SMN2: variants seen among roughly 807,000 people sequenced by gnomAD.
SMN2 encodes the protein survival motor neuron protein.
Under a neutral mutation model 2.8 loss-of-function variants are expected in SMN2, and 1 was observed. The observed-to-expected ratio is 0.35, with a 90% confidence interval of 0.13 to 1.68. The LOEUF is 1.68. SMN2 is among the 40% of genes most tolerant of loss of function. The pLI is 0.35. For synonymous variants in SMN2, 5 were observed against 5.0 expected (o/e 0.99, Z 0.01); for missense variants, 12 against 16.9 (o/e 0.71, Z 0.51).
chr5:70,083,614 A>G, the SMN2 span, among the ~76,000 whole-genome samples: 3,305 of 136,208 alleles, frequency 0.024, 819 homozygotes, highest in African/African-American at 0.092. Context: ...ATGGAATACT[A>G]TGCAACCATA....
chr5:70,070,208 AT>A (rs879531065), intron 6 of SMN2, among the ~76,000 whole-genome samples: 77 of 116,504 alleles, frequency 6.6e-4, no homozygotes, highest in Middle Eastern at 8.5e-3. Flanking sequence ...TTTATGCTTG[AT>A]TTTTTTTTTT....
intron 7 of SMN2, among the ~76,000 whole-genome samples, chr5:70,074,846 G>A (rs1347768059): frequency 8.4e-6 from 1 of 118,566 alleles, no homozygotes; most frequent in Non-Finnish European, 1.8e-5. Flanking sequence ...TACAAAACTA[G>A]CCGGGCATGG....
intron 1 of SMN2, among the ~76,000 whole-genome samples, chr5:70,052,881 CAAAA>C (rs1319873489): frequency 5.6e-5 from 4 of 71,176 alleles, no homozygotes; most frequent in Non-Finnish European, 1.2e-4. Flanking sequence ...GACTCTGCCT[CAAAA>C]AAAAAAAAAA....
intron 7 of SMN2, among the ~76,000 whole-genome samples, chr5:70,074,811 G>GGA (rs1774692931): frequency 1.6e-5 from 2 of 123,378 alleles, no homozygotes; most frequent in South Asian, 5.1e-4. Context: ...TGACCAACAT[G>GGA]GAGAAACCCT....
intron 1 of SMN2, among the ~76,000 whole-genome samples, chr5:70,052,309 G>A (rs1387137136): frequency 1.8e-4 from 13 of 73,014 alleles, no homozygotes; most frequent in African/African-American, 5.3e-4. Context: ...TTGGGAGGCC[G>A]AGTTGGGCAG....
chr5:70,084,658 T>C, the SMN2 span, among the ~76,000 whole-genome samples: 1 of 137,974 alleles, frequency 7.2e-6, no homozygotes, highest in African/African-American at 3.0e-5. Flanking sequence ...TATTTGTACA[T>C]TTTTATCTTA....
rs1218927739 is a variant in SMN2 at position 70,074,584 on chromosome 5, G to A, written c.835-1937G>A. 4.8e-5 allele frequency among the ~76,000 whole-genome samples: 6 copies of A among 125,976 alleles called. 3 individuals are homozygous for A. Among genetic ancestry groups the A allele is most frequent in the Non-Finnish European group, 1.0e-4 (6 of 57,532 alleles). The allele number at this position is 125,976 out of a possible 152,430, so 82.6% of individuals were successfully genotyped here. A position where few individuals can be genotyped will look rare whatever the true frequency, so the allele number is the denominator to read the frequency against. On this transcript the variant is annotated intron_variant, in intron 7 of 8. Transcript: ENST00000380743. Reference sequence around the variant, plus strand: ...CTTGAACCTGGGAGGTGGAGGTTGCGGTGAGCCGAGATCACCTCATTGCAC... The same window carrying A: ...CTTGAACCTGGGAGGTGGAGGTTGCAGTGAGCCGAGATCACCTCATTGCAC...
chr5:70,079,512 T>C (rs1395349010), downstream of SMN2, among the ~76,000 whole-genome samples: 1 of 146,116 alleles, frequency 6.8e-6, no homozygotes, highest in Non-Finnish European at 1.5e-5. Context: ...TCCCAGCATT[T>C]TGGGAGGACG....
At position 70,076,785 on chromosome 5, in the gene SMN2, G is replaced by A. The variant is rs1262249653; in HGVS notation, c.*3+211G>A. ...CTAGAATTCTCATACTTAACTGGTT[G>A]GTTGTGTGGAAGAAACATACTTTCA... On this transcript the variant is annotated intron_variant, in intron 8 of 8. Coordinates refer to ENST00000380743, the MANE Select transcript of SMN2 (RefSeq NM_017411.4). 4.5e-4 allele frequency: 599 copies of A among 1,335,768 alleles called. 120 individuals are homozygous for A. The highest frequency in any genetic ancestry group is 5.7e-4 in the Non-Finnish European group (580 of 1,016,944). 82.7% of individuals were successfully genotyped at this position (1,335,768 alleles called of 1,614,324 possible). A position where few individuals can be genotyped will look rare whatever the true frequency, so the allele number is the denominator to read the frequency against.
intron 7 of SMN2, among the ~76,000 whole-genome samples, chr5:70,075,871 G>T (rs1456556166): frequency 2.7e-5 from 3 of 110,820 alleles, no homozygotes; most frequent in Admixed American, 9.2e-5. Context: ...ATTTTTTTTT[G>T]AGACAGAGTC....
At chr5:70,080,884 G>GTCAA (rs1774846282), downstream of SMN2, among the ~76,000 whole-genome samples, 1 of 95,492 alleles carries the variant, frequency 1.0e-5, no homozygotes, top group Non-Finnish European at 2.0e-5. Flanking sequence ...TTAGATCCCA[G>GTCAA]TTTTGGCTTT....
the SMN2 span, among the ~76,000 whole-genome samples, chr5:70,084,272 C>T: frequency 1.3e-5 from 1 of 76,582 alleles, no homozygotes; most frequent in African/African-American, 7.3e-5. Flanking sequence ...CCGCAACCTC[C>T]GCCTCCCAGG....
At chr5:70,084,877 C>T in the SMN2 span, among the ~76,000 whole-genome samples, 1 of 136,660 alleles carries the variant, frequency 7.3e-6, no homozygotes, top group African/African-American at 3.1e-5. Flanking sequence ...AACATCAATA[C>T]TCATGGCAGT....
intron 6 of SMN2, among the ~76,000 whole-genome samples, chr5:70,069,848 G>A (rs1304649235): frequency 8.6e-5 from 1 of 11,694 alleles, no homozygotes; most frequent in African/African-American, 4.3e-4. Context: ...GATTACAGGC[G>A]ACTGCCACCA....
chr5:70,085,176 A>G, the SMN2 span, among the ~76,000 whole-genome samples: 2 of 124,124 alleles, frequency 1.6e-5, 1 homozygote, highest in Non-Finnish European at 3.2e-5. Context: ...TGTGTTAGAT[A>G]ACCTTTGTTT....
At chr5:70,076,477 A>T in intron 7 of SMN2, 44 bp from the exon 8 acceptor site, 4 of 1,273,402 alleles carry the variant, frequency 3.1e-6, no homozygotes, top group East Asian at 2.4e-5. Context: ...AGCTATCTAT[A>T]TCTATATAGC....
chr5:70,077,815 CA>C (rs1257957589), downstream of SMN2: 1 of 137,462 alleles, frequency 7.3e-6, no homozygotes, highest in East Asian at 2.0e-4. Context: ...CAGCTCACTG[CA>C]ACCTCTGCTA....
At chr5:70,083,875 C>A in the SMN2 span, among the ~76,000 whole-genome samples, 1 of 130,208 alleles carries the variant, frequency 7.7e-6, no homozygotes, top group Non-Finnish European at 1.5e-5. Flanking sequence ...ATTGGTGCAG[C>A]ACACCAGCAT....
intron 7 of SMN2, among the ~76,000 whole-genome samples, chr5:70,075,489 T>G (rs1158062769): frequency 8.5e-6 from 1 of 117,186 alleles, no homozygotes; most frequent in East Asian, 2.2e-4. Flanking sequence ...GCTGGGATTA[T>G]AGGCGTGAGC....
Sources: allele counts gnomAD v4.1 joint callset (sites outside exome capture counted in the v4.1 genomes callset), GRCh38; gene constraint gnomAD v4.1.1; transcripts MANE v1.5; gene names NCBI Gene and HGNC (gene_info 2026-07-23, HGNC 2026-07-21).